TSPAN3: variants seen among roughly 807,000 people sequenced by gnomAD.
TSPAN3 encodes the protein tetraspanin-3.
TSPAN3 carries 9 observed loss-of-function variants against 31.1 expected under a neutral mutation model. The observed-to-expected ratio is 0.29, with a 90% CI of 0.17 to 0.50. TSPAN3 has a LOEUF of 0.50. Ranked by LOEUF, TSPAN3 falls within the 20% of genes least tolerant of loss-of-function variation. The probability of loss-of-function intolerance (pLI) is 0.98; values close to 1 mark genes in which losing one functional copy is unlikely to be tolerated. For missense variants in TSPAN3, 252 were observed against 313.5 expected (o/e 0.80, Z 1.48); for synonymous variants, 129 against 114.3 (o/e 1.13, Z -0.82).
intron 1 of TSPAN3, among the ~76,000 whole-genome samples, chr15:77,065,160 T>C (rs1181778204): frequency 2.0e-5 from 3 of 152,204 alleles, no homozygotes; most frequent in East Asian, 1.9e-4. Flanking sequence ...CAGATTTTTT[T>C]TGCCAACATA....
intron 6 of TSPAN3, among the ~76,000 whole-genome samples, chr15:77,050,976 A>G (rs1184578460): frequency 6.6e-6 from 1 of 152,226 alleles, no homozygotes; most frequent in African/African-American, 2.4e-5. Context: ...TCAAATATAC[A>G]AAGAGCAAGC....
At chr15:77,069,512 T>G (rs897063989) in intron 1 of TSPAN3, among the ~76,000 whole-genome samples, 29 of 152,156 alleles carry the variant, frequency 1.9e-4, no homozygotes, top group African/African-American at 7.0e-4. Flanking sequence ...CTGCTCTAAT[T>G]GGAAAAGAAG....
At chr15:77,070,835 C>A (rs1568548226) in intron 1 of TSPAN3, 57 bp downstream of exon 1, 4 of 1,093,904 alleles carry the variant, frequency 3.7e-6, no homozygotes, top group Admixed American at 5.3e-5. Flanking sequence ...CGGGCGCCTC[C>A]GCCGCGGCCT....
At position 77,043,611 on chromosome 15, in the gene TSPAN3, A is replaced by G. The variant is rs1157228937; in HGVS notation, c.*3224T>C. On this transcript the variant is annotated 3_prime_UTR_variant, in exon 7 of 7. Transcript: ENST00000267970. ...AACTGTATCCTTACAAACTGTTCCT[A>G]TCATCACAGACAAAGCTATGGAAAT... The G allele has an allele frequency of 6.6e-6, 1 of 152,240 alleles. No homozygotes were observed. The highest frequency in any genetic ancestry group is 1.5e-5 in the Non-Finnish European group (1 of 68,054). The allele number at this position is 152,240 out of a possible 1,614,324, so 9.4% of individuals were successfully genotyped here.
intron 1 of TSPAN3, chr15:77,069,790 G>C (rs535206515): frequency 6.6e-6 from 1 of 152,406 alleles, no homozygotes; most frequent in South Asian, 2.1e-4. Context: ...AGGAGGAAGA[G>C]GCACAGTATG....
At chr15:77,059,864 G>A (rs537302622) in intron 1 of TSPAN3, among the ~76,000 whole-genome samples, 4 of 152,262 alleles carry the variant, frequency 2.6e-5, no homozygotes, top group Non-Finnish European at 4.4e-5. Flanking sequence ...AATCTAAAGA[G>A]GTTCCTATGA....
At chr15:77,069,104 T>C (rs1483094170) in intron 1 of TSPAN3, among the ~76,000 whole-genome samples, 1 of 152,204 alleles carries the variant, frequency 6.6e-6, no homozygotes, top group Non-Finnish European at 1.5e-5. Context: ...CATTTAGAAA[T>C]GTAAATATTA....
intron 1 of TSPAN3, among the ~76,000 whole-genome samples, chr15:77,061,779 T>C (rs2076802206): frequency 6.6e-6 from 1 of 152,190 alleles, no homozygotes; most frequent in African/African-American, 2.4e-5. Context: ...CTTGCAGTGG[T>C]ATGTAGTAGC....
chr15:77,053,974 TA>T (rs998323122), intron 4 of TSPAN3, among the ~76,000 whole-genome samples: 19 of 151,870 alleles, frequency 1.3e-4, no homozygotes, highest in Admixed American at 1.0e-3. Flanking sequence ...AATCAGATGA[TA>T]AAAAAAAGTT....
chr15:77,061,510 A>G (rs1286749191), intron 1 of TSPAN3, among the ~76,000 whole-genome samples: 5 of 152,130 alleles, frequency 3.3e-5, no homozygotes, highest in African/African-American at 7.2e-5. Context: ...CCTGGGCAAC[A>G]AGAGCAAAAC....
intron 4 of TSPAN3, among the ~76,000 whole-genome samples, chr15:77,053,875 C>A (rs1203384275): frequency 6.6e-6 from 1 of 152,126 alleles, no homozygotes; most frequent in Admixed American, 6.6e-5. Context: ...TGGACTCCCA[C>A]CTTTCCTGTG....
chr15:77,049,400 G>C (rs1388690334), intron 6 of TSPAN3, among the ~76,000 whole-genome samples: 2 of 152,150 alleles, frequency 1.3e-5, no homozygotes, highest in Admixed American at 1.3e-4. Flanking sequence ...CCAAAGTAAA[G>C]ACTTAGAACA....
At chr15:77,048,776 TA>T (rs1038005700) in intron 6 of TSPAN3, among the ~76,000 whole-genome samples, 1 of 152,056 alleles carries the variant, frequency 6.6e-6, no homozygotes, top group Non-Finnish European at 1.5e-5. Flanking sequence ...TTAGCCCAAA[TA>T]TAACACCCAG....
chr15:77,047,858 A>G (rs2076704863), intron 6 of TSPAN3, among the ~76,000 whole-genome samples: 1 of 152,218 alleles, frequency 6.6e-6, no homozygotes, highest in Non-Finnish European at 1.5e-5. Context: ...TCCTCTGTAC[A>G]TTTGGGGGTC....
intron 1 of TSPAN3, chr15:77,068,089 T>TAA (rs1306463040): frequency 6.6e-6 from 1 of 152,206 alleles, no homozygotes; most frequent in African/African-American, 2.4e-5. Context: ...ACTCAAATGT[T>TAA]AGTTGCCATT....
intron 1 of TSPAN3, among the ~76,000 whole-genome samples, chr15:77,062,993 T>C (rs931235338): frequency 1.3e-5 from 2 of 152,218 alleles, no homozygotes; most frequent in Non-Finnish European, 1.5e-5. Context: ...TAAAATACTT[T>C]TAGTGTCTTC....
intron 1 of TSPAN3, among the ~76,000 whole-genome samples, chr15:77,070,272 T>C (rs1396047208): frequency 6.6e-6 from 1 of 152,186 alleles, no homozygotes; most frequent in African/African-American, 2.4e-5. Context: ...AATCTCACAG[T>C]TTGGTCACCC....
In TSPAN3 at chr15:77,070,907, G is replaced by C. The variant is rs2076865075; in HGVS notation, c.48C>G (p.Leu16=). The C allele has an allele frequency of 1.4e-6, 2 of 1,424,962 alleles. No individual in the cohort carries two copies. Among genetic ancestry groups the C allele is most frequent in the Non-Finnish European group, 1.9e-6 (2 of 1,078,628 alleles). 88.3% of individuals were successfully genotyped at this position (1,424,962 alleles called of 1,614,324 possible). Residue 16 remains leucine, a synonymous_variant, in exon 1 of 7, where the codon CTC becomes CTG. Coordinates refer to ENST00000267970, the MANE Select transcript of TSPAN3 (RefSeq NM_005724.6). ...CCCCGCTCACCCAGAAGATGAGGTT[G>C]AGAAAGACCAGCACGGTCTTGGAGG... The part of the protein sequence containing the change: ...ITSSKTVLVF[L]NLIFWGAAGI...
intron 6 of TSPAN3, among the ~76,000 whole-genome samples, chr15:77,047,828 T>C (rs1365501224): frequency 6.6e-6 from 1 of 152,214 alleles, no homozygotes; most frequent in African/African-American, 2.4e-5. Context: ...GCCTCAGTTA[T>C]TTGATTTTAA....
Sources: gnomAD v4.1 joint callset for allele counts (sites outside exome capture counted in the v4.1 genomes callset) on GRCh38, gnomAD v4.1.1 for gene constraint, MANE v1.5 for transcripts, NCBI Gene and HGNC (gene_info 2026-07-23, HGNC 2026-07-21) for gene names.